The following FAM118A variants were observed in gnomAD, a reference collection of about 807,000 sequenced individuals.
FAM118A encodes SIR2 antiphage like 2.
A neutral mutation model predicts 38.2 loss-of-function variants in FAM118A; 25 were observed. The observed-to-expected ratio is 0.65, with a 90% CI of 0.48 to 0.91. FAM118A has a LOEUF of 0.91. FAM118A is among the 40% of genes least tolerant of loss of function. FAM118A has a pLI of 0.00. For missense variants in FAM118A, 425 were observed against 463.3 expected (o/e 0.92, Z 0.76); for synonymous variants, 178 against 184.1 (o/e 0.97, Z 0.27).
intron 1 of FAM118A, among the ~76,000 whole-genome samples, chr22:45,319,758 T>C (rs2084768413): frequency 6.6e-6 from 1 of 152,140 alleles, no homozygotes; most frequent in Admixed American, 6.5e-5. Context: ...ATCTAGTAGA[T>C]TAAAAAAACA....
intron 1 of FAM118A, among the ~76,000 whole-genome samples, chr22:45,316,338 C>A (rs922807531): frequency 2.0e-5 from 3 of 152,200 alleles, no homozygotes; most frequent in African/African-American, 7.2e-5. Context: ...CCACATCCAG[C>A]CTTGCTCAGT....
chr22:45,311,906 G>A (rs572826555), intron 1 of FAM118A, among the ~76,000 whole-genome samples: 5 of 152,126 alleles, frequency 3.3e-5, no homozygotes, highest in Admixed American at 1.3e-4. Context: ...TCCTATTACC[G>A]TAGGGTCTGT....
intron 6 of FAM118A, chr22:45,335,106 C>G: frequency 1.9e-6 from 1 of 517,856 alleles, no homozygotes; most frequent in Non-Finnish European, 3.4e-6. Context: ...GACAGTCATG[C>G]TAGTGATCGC....
intron 7 of FAM118A, among the ~76,000 whole-genome samples, chr22:45,335,977 C>T (rs1180320780): frequency 6.6e-6 from 1 of 152,242 alleles, no homozygotes; most frequent in East Asian, 1.9e-4. Flanking sequence ...GCCCTGTTTT[C>T]CCTGGCTGTT....
intron 8 of FAM118A, among the ~76,000 whole-genome samples, chr22:45,336,854 G>C (rs1295702928): frequency 6.6e-6 from 1 of 152,204 alleles, no homozygotes; most frequent in Non-Finnish European, 1.5e-5. Context: ...CCCCAAGGGT[G>C]ACCACTAGCC....
At chr22:45,326,379 G>T (rs761560761) in intron 3 of FAM118A, among the ~76,000 whole-genome samples, 35 of 152,166 alleles carry the variant, frequency 2.3e-4, no homozygotes, top group Non-Finnish European at 5.0e-4. Context: ...ATCCTCTTGT[G>T]TCTCTCAGAG....
intron 5 of FAM118A, 23 bp from the exon 6 acceptor site, chr22:45,332,402 A>G (rs369905662): frequency 5.1e-5 from 82 of 1,596,712 alleles, no homozygotes; most frequent in Non-Finnish European, 6.1e-5. Flanking sequence ...TGAGCACTCA[A>G]TTTCTTCATT....
At chr22:45,334,635 G>T (rs937786986) in intron 6 of FAM118A, among the ~76,000 whole-genome samples, 14 of 152,212 alleles carry the variant, frequency 9.2e-5, no homozygotes, top group African/African-American at 3.4e-4. Context: ...AGCATGCAGT[G>T]CTAGTAAGTA....
chr22:45,319,801 C>T (rs939185386), intron 1 of FAM118A, among the ~76,000 whole-genome samples: 3 of 152,120 alleles, frequency 2.0e-5, no homozygotes, highest in African/African-American at 7.2e-5. Flanking sequence ...GTTAACTCCT[C>T]AATGGGAAGA....
intron 8 of FAM118A, chr22:45,337,808 G>A (rs1332536758): frequency 4.3e-5 from 42 of 984,942 alleles, no homozygotes; most frequent in Non-Finnish European, 4.8e-5. Context: ...GTGTGGGGTC[G>A]CCTCCTGAGG....
intron 3 of FAM118A, among the ~76,000 whole-genome samples, chr22:45,324,741 G>A (rs924272528): frequency 3.3e-5 from 5 of 152,146 alleles, no homozygotes; most frequent in Admixed American, 1.3e-4. Context: ...TGGCCCACAA[G>A]GCCTAAAATA....
At chr22:45,310,526 G>A (rs1007245452) in intron 1 of FAM118A, among the ~76,000 whole-genome samples, 9 of 152,108 alleles carry the variant, frequency 5.9e-5, no homozygotes, top group African/African-American at 2.2e-4. Context: ...GTGGGGAGCC[G>A]TGGTTCCCAG....
intron 1 of FAM118A, among the ~76,000 whole-genome samples, chr22:45,312,550 T>A (rs1187627262): frequency 6.6e-6 from 1 of 152,202 alleles, no homozygotes; most frequent in Non-Finnish European, 1.5e-5. Flanking sequence ...GGTGTGCACC[T>A]GTAATCTCAG....
At position 45,323,299 on chromosome 22, in the gene FAM118A, G is replaced by T; in HGVS notation, c.172G>T (p.Ala58Ser). Residue 58 changes from alanine (A) to serine (S), a missense_variant, in exon 3 of 9, where the codon GCC becomes TCC. Ala to Ser is a moderately conservative substitution (Grantham distance 99, BLOSUM62 1). Transcript: ENST00000441876. ...TTGCTCGTGGAGAAGCTGCATCGAG[G>T]CCGTCATCGAGGCTGCAGAGCAGCT... ...ALCSWRSCIEAVIEAAEQLEV... is the reference protein window; with the variant it reads ...ALCSWRSCIESVIEAAEQLEV... 1 of 1,614,194 alleles carries T rather than the reference G, an allele frequency of 6.2e-7. No individual in the cohort carries two copies.
intron 1 of FAM118A, among the ~76,000 whole-genome samples, chr22:45,316,469 G>T (rs1289240301): frequency 6.6e-6 from 1 of 152,154 alleles, no homozygotes; most frequent in African/African-American, 2.4e-5. Flanking sequence ...TAATGAGCAG[G>T]GTCTGGCCGT....
intron 1 of FAM118A, among the ~76,000 whole-genome samples, chr22:45,320,934 G>C (rs1045794179): frequency 5.3e-5 from 8 of 152,180 alleles, no homozygotes; most frequent in African/African-American, 1.7e-4. Flanking sequence ...TGTGCACTAA[G>C]TCGGTGGTCA....
intron 8 of FAM118A, among the ~76,000 whole-genome samples, chr22:45,339,836 T>C (rs1012011996): frequency 2.0e-5 from 3 of 152,224 alleles, no homozygotes; most frequent in South Asian, 4.1e-4. Flanking sequence ...TGGTAGACCT[T>C]GCTGTGGAGC....
At chr22:45,334,411 C>T (rs967500151) in intron 6 of FAM118A, among the ~76,000 whole-genome samples, 11 of 152,292 alleles carry the variant, frequency 7.2e-5, no homozygotes, top group East Asian at 3.9e-4. Context: ...ATAATCCAAT[C>T]GCTAAAGTTT....
At chr22:45,334,252 A>G (rs1390813312) in intron 6 of FAM118A, among the ~76,000 whole-genome samples, 1 of 152,176 alleles carries the variant, frequency 6.6e-6, no homozygotes, top group Non-Finnish European at 1.5e-5. Flanking sequence ...ATCATAAAAC[A>G]TTGATGATGG....
Sources: allele counts gnomAD v4.1 joint callset (sites outside exome capture counted in the v4.1 genomes callset), GRCh38; gene constraint gnomAD v4.1.1; transcripts MANE v1.5; gene names NCBI Gene and HGNC (gene_info 2026-07-23, HGNC 2026-07-21).